The following DLGAP2 variants were observed in gnomAD, a reference collection of about 807,000 sequenced individuals.
DLGAP2 encodes disks large-associated protein 2.
A neutral mutation model predicts 100.3 loss-of-function variants in DLGAP2; 26 were observed. That is an observed-to-expected ratio of 0.26 (90% CI 0.19 to 0.36). The LOEUF (loss-of-function observed/expected upper bound fraction) is 0.36, where lower values mean the gene tolerates loss of function less well. Among genes scored for constraint, DLGAP2 ranks in the 10% least tolerant of loss-of-function variants. The pLI, the probability that DLGAP2 is intolerant of heterozygous loss-of-function variation, is 1.00. For synonymous variants in DLGAP2, 886 were observed against 630.1 expected (o/e 1.41, Z -6.08); for missense variants, 1,858 against 1,453.2 (o/e 1.28, Z -4.53).
intron 3 of DLGAP2, among the ~76,000 whole-genome samples, chr8:1,264,121 T>C (rs1799404778): frequency 6.6e-6 from 1 of 151,832 alleles, no homozygotes; most frequent in Non-Finnish European, 1.5e-5. Flanking sequence ...TGCTGTACAA[T>C]ATGTAACACA....
At chr8:994,271 G>A (rs536474774) in intron 2 of DLGAP2, among the ~76,000 whole-genome samples, 11 of 152,248 alleles carry the variant, frequency 7.2e-5, no homozygotes, top group Admixed American at 1.3e-4. Context: ...CGCGATCTCG[G>A]CTCACTGCAA....
At chr8:1,457,998 AT>A (rs1798365613) in intron 3 of DLGAP2, among the ~76,000 whole-genome samples, 2 of 137,720 alleles carry the variant, frequency 1.5e-5, no homozygotes, top group East Asian at 2.0e-4. Context: ...ATATATATAT[AT>A]ATATATATAT....
At chr8:1,623,174 G>A (rs1797391932) in intron 6 of DLGAP2, among the ~76,000 whole-genome samples, 1 of 152,250 alleles carries the variant, frequency 6.6e-6, no homozygotes, top group Non-Finnish European at 1.5e-5. Context: ...CTTTGGCTCT[G>A]TGGTCCTATG....
intron 3 of DLGAP2, among the ~76,000 whole-genome samples, chr8:1,365,212 C>T (rs565170400): frequency 2.0e-4 from 31 of 152,314 alleles, no homozygotes; most frequent in Admixed American, 1.4e-3. Context: ...ACCCGGTCCA[C>T]ACCTGCACCT....
chr8:1,662,650 C>T lies in DLGAP2; in HGVS notation c.1811-5679C>T, dbSNP rs952920775. Among the ~76,000 whole-genome samples, 6 of 152,264 alleles carry T rather than the reference C, an allele frequency of 3.9e-5. No individual in the cohort carries two copies. In the East Asian group the frequency reaches 1.2e-3, roughly 29 times the overall value. ...AGGAAGAGGTTTAAGCCCATTCAGA[C>T]TTCCACCTTCTCTTCCAAGATATGC... On this transcript the variant is annotated intron_variant, in intron 8 of 14. Transcript: ENST00000637795.
At chr8:1,467,934 T>C (rs1440963864) in intron 3 of DLGAP2, among the ~76,000 whole-genome samples, 2 of 152,180 alleles carry the variant, frequency 1.3e-5, no homozygotes, top group East Asian at 1.9e-4. Flanking sequence ...AATAAATAAA[T>C]ACGTTCTGAG....
chr8:1,465,036 C>G (rs891492253), intron 3 of DLGAP2, among the ~76,000 whole-genome samples: 1 of 152,248 alleles, frequency 6.6e-6, no homozygotes, highest in African/African-American at 2.4e-5. Flanking sequence ...TCCCCACCAC[C>G]CAGCAGGTGA....
At chr8:1,492,739 C>G (rs879628393) in intron 3 of DLGAP2, among the ~76,000 whole-genome samples, 3 of 152,226 alleles carry the variant, frequency 2.0e-5, no homozygotes, top group South Asian at 2.1e-4. Flanking sequence ...TTCCCCGGCT[C>G]CATGCTCATG....
intron 3 of DLGAP2, among the ~76,000 whole-genome samples, chr8:1,361,462 C>G (rs575177207): frequency 1.3e-5 from 2 of 152,162 alleles, no homozygotes; most frequent in African/African-American, 4.8e-5. Flanking sequence ...AGTTTTTCCC[C>G]TTATCTTCAG....
chr8:1,559,760 C>T (rs546564719), intron 5 of DLGAP2, among the ~76,000 whole-genome samples: 3 of 152,366 alleles, frequency 2.0e-5, no homozygotes, highest in South Asian at 2.1e-4. Flanking sequence ...CCTCCCTTCC[C>T]GAACTGAGCT....
At chr8:1,515,051 A>T (rs991935621) in intron 4 of DLGAP2, among the ~76,000 whole-genome samples, 4 of 151,996 alleles carry the variant, frequency 2.6e-5, no homozygotes. Context: ...ACGTGCAGGG[A>T]TACCGATCCC....
chr8:1,481,251 T>C (rs2130245528), intron 3 of DLGAP2, among the ~76,000 whole-genome samples: 1 of 152,210 alleles, frequency 6.6e-6, no homozygotes, highest in Admixed American at 6.5e-5. Context: ...TCCTGGAGCC[T>C]AGTTTTACGT....
At chr8:1,180,253 T>C (rs75229580) in intron 2 of DLGAP2, among the ~76,000 whole-genome samples, 2 of 152,238 alleles carry the variant, frequency 1.3e-5, no homozygotes, top group Admixed American at 6.5e-5. Flanking sequence ...GCTACACATA[T>C]GTCCATGTAA....
intron 2 of DLGAP2, among the ~76,000 whole-genome samples, chr8:942,068 C>T (rs78276792): frequency 0.067 from 10,229 of 152,212 alleles, 491 homozygotes; most frequent in Admixed American, 0.13. Flanking sequence ...CAGTGATTCT[C>T]CTCCTCTGGC....
At chr8:809,896 C>T (rs772651217) in intron 1 of DLGAP2, among the ~76,000 whole-genome samples, 8 of 152,230 alleles carry the variant, frequency 5.3e-5, no homozygotes, top group Admixed American at 1.3e-4. Context: ...GGCTCTGACT[C>T]GCCCAGAAGC....
rs182027175 is a variant in DLGAP2, at chr8:1,656,301, C to G, written c.1811-12028C>G. On this transcript the variant is annotated intron_variant, in intron 8 of 14. Transcript: ENST00000637795. ...TTCCAGCCTGGGTGACAGGGCAAGA[C>G]TCTGTCTCAAAAAAAAAAAAAAGTT... Among the ~76,000 whole-genome samples, 415 of 151,128 alleles carry G rather than the reference C, an allele frequency of 2.7e-3. 1 individual carries two copies. Among genetic ancestry groups the G allele is most frequent in the African/African-American group, 9.7e-3 (399 of 41,132 alleles).
chr8:1,383,797 T>A (rs546316834), intron 3 of DLGAP2, among the ~76,000 whole-genome samples: 2 of 152,342 alleles, frequency 1.3e-5, no homozygotes, highest in East Asian at 3.9e-4. Context: ...CCTGGTCAGA[T>A]GACCACCAGC....
intron 2 of DLGAP2, among the ~76,000 whole-genome samples, chr8:1,139,526 C>A (rs1474123716): frequency 6.6e-6 from 1 of 152,208 alleles, no homozygotes; most frequent in African/African-American, 2.4e-5. Context: ...GAGCCCCACC[C>A]TCTCAACCTA....
At chr8:1,009,948 TG>T (rs1563142059) in intron 2 of DLGAP2, among the ~76,000 whole-genome samples, 1 of 152,244 alleles carries the variant, frequency 6.6e-6, no homozygotes, top group African/African-American at 2.4e-5. Context: ...TTTGCACAGT[TG>T]ATTGAAACAA....
Sources: allele counts gnomAD v4.1 joint callset (sites outside exome capture counted in the v4.1 genomes callset), GRCh38; gene constraint gnomAD v4.1.1; transcripts MANE v1.5; gene names NCBI Gene and HGNC (gene_info 2026-07-23, HGNC 2026-07-21).